AGAP1: variants seen among roughly 807,000 people sequenced by gnomAD.
The protein encoded by AGAP1 is ArfGAP with GTPase domain, ankyrin repeat and PH domain 1, also known as arf-GAP with GTPase, ANK repeat and PH domain-containing protein 1.
Under a neutral mutation model 105.3 loss-of-function variants are expected in AGAP1, and 29 were observed. The ratio of observed to expected loss-of-function variants is 0.28; its 90% CI spans 0.21 to 0.38. AGAP1 has a LOEUF of 0.38. AGAP1 is among the 10% of genes least tolerant of loss of function. AGAP1 has a pLI of 1.00. For missense variants in AGAP1, 998 were observed against 1,165.1 expected, an observed-to-expected ratio of 0.86 and a Z score of 2.09; for synonymous variants, 509 against 485.9, an observed-to-expected ratio of 1.05 and a Z score of -0.63.
chr2:235,759,207 CA>C (rs1301352896), intron 6 of AGAP1, among the ~76,000 whole-genome samples: 1 of 135,362 alleles, frequency 7.4e-6, no homozygotes, highest in Non-Finnish European at 1.5e-5. Flanking sequence ...CTCGCTCTGT[CA>C]CCCAGGCTGG....
chr2:235,497,167 A>T (rs1941353720), intron 1 of AGAP1, among the ~76,000 whole-genome samples: 1 of 152,088 alleles, frequency 6.6e-6, no homozygotes, highest in Admixed American at 6.5e-5. Context: ...TTTATGGAGG[A>T]GCGGGTGGAG....
Position 236,001,118 on chromosome 2 carries a change from C to T in AGAP1, c.1645+32495C>T, listed in dbSNP as rs1448023015. ...GATGGACCCTCAGAGGCGAGACGGA[C>T]GTACAGGAAACACCACATGGAGACT... On this transcript the variant is annotated intron_variant, in intron 13 of 17. Transcript: ENST00000304032. This position sits in a 1 kb window ranked among gnomAD's most constrained non-coding sequence, Gnocchi z 4.7. 3.3e-5 allele frequency among the ~76,000 whole-genome samples: 5 copies of T among 152,212 alleles called. No individual in the cohort carries two copies. Among genetic ancestry groups the T allele is most frequent in the African/African-American group, 4.8e-5 (2 of 41,540 alleles).
At chr2:235,502,868 G>A (rs890867066) in intron 1 of AGAP1, among the ~76,000 whole-genome samples, 4 of 152,058 alleles carry the variant, frequency 2.6e-5, no homozygotes, top group African/African-American at 7.2e-5. Flanking sequence ...AGCTTAGGAC[G>A]AAGCTACTGT....
At position 235,919,019 on chromosome 2, in the gene AGAP1, T is replaced by C. The variant is rs1358483388; in HGVS notation, c.1324+10113T>C. Among the ~76,000 whole-genome samples the C allele has an allele frequency of 6.6e-6, 1 of 152,172 alleles. No homozygotes were observed. The highest frequency in any genetic ancestry group is 2.4e-5 in the African/African-American group (1 of 41,446). ...AGTAAATAAAAGGTGCTTCAAACAC[T>C]TTTTTTCTCTCAAAAATGTGTGTGG... On this transcript the variant is annotated intron_variant, in intron 11 of 17. Transcript: ENST00000304032. The surrounding 1 kb of genome is among the most constrained non-coding windows in gnomAD (Gnocchi z 4.1).
chr2:235,514,874 A>G (rs1942315045), intron 1 of AGAP1, among the ~76,000 whole-genome samples: 1 of 152,208 alleles, frequency 6.6e-6, no homozygotes, highest in South Asian at 2.1e-4. Flanking sequence ...TGTAGCAACA[A>G]GGAACATACC....
rs898020346 is a variant in AGAP1 at position 235,700,452 on chromosome 2, C to T, written c.164-8727C>T. Among the ~76,000 whole-genome samples the T allele has an allele frequency of 1.3e-5, 2 of 152,226 alleles. No individual in the cohort carries two copies. Among genetic ancestry groups the T allele is most frequent in the African/African-American group, 4.8e-5 (2 of 41,522 alleles). ...CGACAAGGGCGTTCTTGGGGAACAC[C>T]GTGATTCTGGAGGGGTATTATGAGG... On this transcript the variant is annotated intron_variant, in intron 1 of 17. Transcript: ENST00000304032. This position sits in a 1 kb window ranked among gnomAD's most constrained non-coding sequence, Gnocchi z 6.1.
At chr2:235,942,457 C>A (rs920075622) in intron 12 of AGAP1, among the ~76,000 whole-genome samples, 6 of 152,104 alleles carry the variant, frequency 3.9e-5, no homozygotes. Context: ...ACGGGCGGAT[C>A]ACCTGAGGTT....
chr2:235,943,704 T>C (rs977692803), intron 12 of AGAP1, among the ~76,000 whole-genome samples: 1 of 152,120 alleles, frequency 6.6e-6, no homozygotes, highest in African/African-American at 2.4e-5. Context: ...GAAATGAGTG[T>C]TGGAGAAGAG....
chr2:235,706,335 C>T (rs1261116006), intron 1 of AGAP1, among the ~76,000 whole-genome samples: 2 of 152,206 alleles, frequency 1.3e-5, no homozygotes, highest in Admixed American at 6.5e-5. Context: ...TGCCATTCTC[C>T]TGCCTCAGGC....
chr2:235,997,470 A>G (rs1042263267), intron 13 of AGAP1, among the ~76,000 whole-genome samples: 4 of 152,114 alleles, frequency 2.6e-5, no homozygotes, highest in Admixed American at 6.6e-5. Flanking sequence ...ACCTTTCTCT[A>G]CTACCTTAAG....
intron 16 of AGAP1, among the ~76,000 whole-genome samples, chr2:236,059,227 A>T (rs1473825625): frequency 6.6e-6 from 1 of 152,226 alleles, no homozygotes; most frequent in Non-Finnish European, 1.5e-5. Flanking sequence ...AAATAAAATT[A>T]AGGACAGTTC....
intron 6 of AGAP1, among the ~76,000 whole-genome samples, chr2:235,790,189 A>G (rs1295436784): frequency 6.6e-6 from 1 of 152,166 alleles, no homozygotes; most frequent in Non-Finnish European, 1.5e-5. Context: ...GGGAAGATGG[A>G]ACGTACATTA....
chr2:235,670,582 T>A, intron 1 of AGAP1: 1 of 538,414 alleles, frequency 1.9e-6, no homozygotes, highest in Non-Finnish European at 3.2e-6. Flanking sequence ...GGAGCGGGCC[T>A]GAGGCGCCGC....
rs1411247591 is a variant in AGAP1, at chr2:235,977,043, CG to C, written c.1645+8422del. Among the ~76,000 whole-genome samples, 1 of 152,100 alleles carries C rather than the reference CG, an allele frequency of 6.6e-6. No homozygotes were observed. Among genetic ancestry groups the C allele is most frequent in the African/African-American group, 2.4e-5 (1 of 41,428 alleles). On this transcript the variant is annotated intron_variant, in intron 13 of 17. Coordinates refer to ENST00000304032, the MANE Select transcript of AGAP1 (RefSeq NM_001037131.3). This position sits in a 1 kb window ranked among gnomAD's most constrained non-coding sequence, Gnocchi z 5.2. Reference sequence around the variant, plus strand: ...CCCTTTCTAAGATACAGAAATGTGACGGACCTCAACTCCTTTTTTTTAGCTA... The same window carrying C: ...CCCTTTCTAAGATACAGAAATGTGACGACCTCAACTCCTTTTTTTTAGCTA...
At chr2:235,950,309 G>C (rs1422235965) in intron 12 of AGAP1, among the ~76,000 whole-genome samples, 1 of 152,236 alleles carries the variant, frequency 6.6e-6, no homozygotes, top group East Asian at 1.9e-4. Context: ...GTGAGCTACA[G>C]AATTGCAAAG....
chr2:235,846,922 C>G (rs1209171595), intron 9 of AGAP1, among the ~76,000 whole-genome samples: 1 of 152,212 alleles, frequency 6.6e-6, no homozygotes, highest in Non-Finnish European at 1.5e-5. Context: ...GCCACTGCGC[C>G]TGGTCTGGTT....
chr2:235,598,458 T>C (rs188549623), intron 1 of AGAP1, among the ~76,000 whole-genome samples: 33 of 152,222 alleles, frequency 2.2e-4, no homozygotes, highest in Non-Finnish European at 4.0e-4. Context: ...TTAACTCTTG[T>C]TTATATCAAA....
chr2:236,102,952 A>G (rs1025159227), intron 16 of AGAP1, among the ~76,000 whole-genome samples: 1 of 152,040 alleles, frequency 6.6e-6, no homozygotes. Context: ...TCCCACCGCA[A>G]GCCCCCGCCC....
Position 235,740,945 on chromosome 2 carries a change from G to GT in AGAP1, c.311-14dup. Reference sequence around the variant, plus strand: ...CTCTGTTGTTCTCGTGTAACGAGATGTTTTGTGTGTGTGGCAGGTGGCAGG... The same window carrying GT: ...CTCTGTTGTTCTCGTGTAACGAGATGTTTTTGTGTGTGTGGCAGGTGGCAGG... On this transcript the variant is annotated splice_polypyrimidine_tract_variant and intron_variant, in intron 3 of 17. Coordinates refer to ENST00000304032, the MANE Select transcript of AGAP1 (RefSeq NM_001037131.3). The surrounding 1 kb of genome is among the most constrained non-coding windows in gnomAD (Gnocchi z 5.7). The GT allele has an allele frequency of 6.2e-7, 1 of 1,614,190 alleles. No individual in the cohort carries two copies. The highest frequency in any genetic ancestry group is 8.5e-7 in the Non-Finnish European group (1 of 1,180,012).
Sources: allele counts gnomAD v4.1 joint callset (sites outside exome capture counted in the v4.1 genomes callset), GRCh38; gene constraint gnomAD v4.1.1; non-coding constraint Gnocchi (gnomAD v3.1); transcripts MANE v1.5; gene names NCBI Gene and HGNC (gene_info 2026-07-23, HGNC 2026-07-21).